The following TAFA5 variants were observed in gnomAD, a reference collection of about 807,000 sequenced individuals.
TAFA5 encodes the protein TAFA chemokine like family member 5.
TAFA5 carries 6 observed loss-of-function variants against 15.3 expected under a neutral mutation model. The observed-to-expected ratio is 0.39, with a 90% CI of 0.21 to 0.77. The LOEUF is 0.77. Among genes scored for constraint, TAFA5 ranks in the 30% least tolerant of loss-of-function variants. The probability of loss-of-function intolerance (pLI) is 0.41; values close to 1 mark genes in which losing one functional copy is unlikely to be tolerated. For missense variants in TAFA5, 161 were observed against 193.1 expected, an observed-to-expected ratio of 0.83 and a Z score of 0.98; for synonymous variants, 103 against 80.7, an observed-to-expected ratio of 1.28 and a Z score of -1.48.
chr22:48,605,879 G>A (rs565101653), intron 1 of TAFA5, among the ~76,000 whole-genome samples: 1 of 152,310 alleles, frequency 6.6e-6, no homozygotes, highest in Admixed American at 6.5e-5. Flanking sequence ...AAGCGTCCAT[G>A]AGGGCAGGTT....
chr22:48,715,348 C>T (rs758700844), intron 3 of TAFA5, among the ~76,000 whole-genome samples: 10 of 152,280 alleles, frequency 6.6e-5, no homozygotes, highest in South Asian at 2.1e-4. Flanking sequence ...ACGTAGAGGC[C>T]GCAAGGAGTC....
intron 2 of TAFA5, 43 bp from the exon 3 acceptor site, chr22:48,707,674 C>G (rs1419308022): frequency 6.2e-7 from 1 of 1,606,472 alleles, no homozygotes; most frequent in Admixed American, 1.7e-5. Flanking sequence ...CCTCACGATC[C>G]ATGAGAGTAG....
intron 2 of TAFA5, among the ~76,000 whole-genome samples, chr22:48,651,468 G>A (rs1461357463): frequency 6.6e-6 from 1 of 152,184 alleles, no homozygotes; most frequent in Non-Finnish European, 1.5e-5. Flanking sequence ...ATGAGGCCTT[G>A]CGAGCCACCT....
At chr22:48,670,735 A>G (rs981079548) in intron 2 of TAFA5, among the ~76,000 whole-genome samples, 1 of 152,158 alleles carries the variant, frequency 6.6e-6, no homozygotes, top group African/African-American at 2.4e-5. Flanking sequence ...GGGTTGAGGC[A>G]TTTTGTCATG....
chr22:48,675,913 A>G (rs1250369047), intron 2 of TAFA5, among the ~76,000 whole-genome samples: 2 of 152,146 alleles, frequency 1.3e-5, no homozygotes, highest in Non-Finnish European at 2.9e-5. Context: ...GCGCACCCTG[A>G]CGCCCAGGCA....
chr22:48,634,272 C>A (rs1926359503), intron 1 of TAFA5, among the ~76,000 whole-genome samples: 1 of 152,022 alleles, frequency 6.6e-6, no homozygotes. Flanking sequence ...ATTCACTCAT[C>A]ACTCACTCAT....
chr22:48,585,154 A>G (rs139877202), intron 1 of TAFA5, among the ~76,000 whole-genome samples: 2,095 of 150,644 alleles, frequency 0.014, 59 homozygotes, highest in African/African-American at 0.05. Flanking sequence ...AATACACCAC[A>G]CACTAGACAC....
chr22:48,674,792 A>G (rs1305438119), intron 2 of TAFA5, among the ~76,000 whole-genome samples: 2 of 152,172 alleles, frequency 1.3e-5, no homozygotes, highest in African/African-American at 4.8e-5. Context: ...AGTACCTATA[A>G]GAACAAGCCT....
chr22:48,639,905 C>T (rs1455230168), intron 1 of TAFA5, among the ~76,000 whole-genome samples: 1 of 151,758 alleles, frequency 6.6e-6, no homozygotes, highest in East Asian at 2.1e-4. Context: ...CCATTGCTCT[C>T]CCCCTCATCC....
rs577351237 is a variant in TAFA5 at position 48,707,990 on chromosome 22, C to T, written c.390+146C>T. 77 of 1,081,966 alleles carry T rather than the reference C, an allele frequency of 7.1e-5. 1 individual carries two copies. Among genetic ancestry groups the T allele is most frequent in the Non-Finnish European group, 7.3e-5 (55 of 755,202 alleles). The allele number at this position is 1,081,966 out of a possible 1,614,324, so 67.0% of individuals were successfully genotyped here. ...GAGGCCAGGGCCCTGTCTCCTCCCCCACCTCCCTCTCTGGTGCTAAATTCC... is the reference window on the plus strand; with the variant it reads ...GAGGCCAGGGCCCTGTCTCCTCCCCTACCTCCCTCTCTGGTGCTAAATTCC... On this transcript the variant is annotated intron_variant, in intron 3 of 3. Coordinates refer to ENST00000402357, the MANE Select transcript of TAFA5 (RefSeq NM_001082967.3).
chr22:48,600,257 C>T (rs1384397231), intron 1 of TAFA5, among the ~76,000 whole-genome samples: 1 of 152,144 alleles, frequency 6.6e-6, no homozygotes, highest in African/African-American at 2.4e-5. Flanking sequence ...GGGGAGTGGA[C>T]GAGGGGCGTC....
chr22:48,721,926 G>C (rs1043215015), intron 3 of TAFA5, among the ~76,000 whole-genome samples: 2 of 151,984 alleles, frequency 1.3e-5, no homozygotes, highest in Non-Finnish European at 2.9e-5. Flanking sequence ...GCAGTGAACC[G>C]AAATCACACC....
chr22:48,693,488 C>T (rs925154699), intron 2 of TAFA5: 1 of 1,560,194 alleles, frequency 6.4e-7, no homozygotes, highest in Admixed American at 1.9e-5. Context: ...GATGAGGAAG[C>T]ATAGCCTGAG....
chr22:48,594,006 T>C (rs1402325303), intron 1 of TAFA5, among the ~76,000 whole-genome samples: 2 of 152,256 alleles, frequency 1.3e-5, no homozygotes, highest in South Asian at 2.1e-4. Flanking sequence ...TAAGGAATTA[T>C]GGTTTCCGGG....
intron 1 of TAFA5, among the ~76,000 whole-genome samples, chr22:48,582,627 C>G (rs1349285685): frequency 6.6e-6 from 1 of 150,674 alleles, no homozygotes; most frequent in African/African-American, 2.5e-5. Context: ...AAATACACCA[C>G]ACACCACACA....
chr22:48,517,722 A>C (rs1044012320), intron 1 of TAFA5, among the ~76,000 whole-genome samples: 17 of 151,928 alleles, frequency 1.1e-4, no homozygotes, highest in Admixed American at 3.9e-4. Context: ...GGGCACCGAG[A>C]TCCCCACATC....
intron 2 of TAFA5, among the ~76,000 whole-genome samples, chr22:48,651,578 G>C (rs1273373024): frequency 6.6e-6 from 1 of 152,212 alleles, no homozygotes; most frequent in African/African-American, 2.4e-5. Context: ...TCTGTGGTTG[G>C]GAGTTTGAGG....
chr22:48,662,951 T>C lies in TAFA5; in HGVS notation c.262+16205T>C, dbSNP rs182459023. Among the ~76,000 whole-genome samples, 40 of 152,298 alleles carry C rather than the reference T, an allele frequency of 2.6e-4. No homozygotes were observed. The East Asian group carries it at 6.2e-3, about 24-fold the overall frequency. On this transcript the variant is annotated intron_variant, in intron 2 of 3. Coordinates refer to ENST00000402357, the MANE Select transcript of TAFA5 (RefSeq NM_001082967.3). ...CCGAGAGGTGAATAAAGGTCTCCTT[T>C]AATCATTCAGACCACTCGGCAGATC...
At chr22:48,510,983 G>C (rs542188015) in intron 1 of TAFA5, among the ~76,000 whole-genome samples, 25 of 152,232 alleles carry the variant, frequency 1.6e-4, no homozygotes, top group Admixed American at 6.5e-5. Flanking sequence ...GGGAGGGGCT[G>C]GGCACCCCAT....
Sources: allele counts gnomAD v4.1 joint callset (sites outside exome capture counted in the v4.1 genomes callset), GRCh38; gene constraint gnomAD v4.1.1; transcripts MANE v1.5; gene names NCBI Gene and HGNC (gene_info 2026-07-23, HGNC 2026-07-21).